The following MTRES1 variants were observed in gnomAD, a reference collection of about 807,000 sequenced individuals.
The protein encoded by MTRES1 is uncharacterized protein C6orf203.
In MTRES1, 11 loss-of-function variants were observed where a neutral mutation model predicts 17.4. The ratio of observed to expected loss-of-function variants is 0.63; its 90% CI spans 0.40 to 1.05. MTRES1 has a LOEUF of 1.05. MTRES1 is among the 50% of genes least tolerant of loss of function. The probability of loss-of-function intolerance (pLI) is 0.00; values close to 1 mark genes in which losing one functional copy is unlikely to be tolerated. For synonymous variants in MTRES1, 94 were observed against 99.6 expected, an observed-to-expected ratio of 0.94 and a Z score of 0.34; for missense variants, 268 against 276.2, an observed-to-expected ratio of 0.97 and a Z score of 0.21.
At chr6:107,049,408 CT>C (rs782057719) in intron 3 of MTRES1, among the ~76,000 whole-genome samples, 9,211 of 99,250 alleles carry the variant, frequency 0.093, 201 homozygotes, top group East Asian at 0.31. Flanking sequence ...TATGGCCCTT[CT>C]TTTTTTTTTT....
intron 3 of MTRES1, among the ~76,000 whole-genome samples, chr6:107,045,331 A>G (rs563212414): frequency 2.6e-5 from 4 of 151,924 alleles, no homozygotes; most frequent in Admixed American, 6.6e-5. Flanking sequence ...AATACAAAAA[A>G]AAATTAGCCG....
intron 1 of MTRES1, among the ~76,000 whole-genome samples, chr6:107,030,379 C>G (rs557423114): frequency 2.0e-5 from 3 of 152,228 alleles, no homozygotes; most frequent in East Asian, 1.9e-4. Flanking sequence ...TTCATTGATT[C>G]ACTAAGAGGA....
In MTRES1 at chr6:107,050,686, C is replaced by T. The variant is rs1355315281; in HGVS notation, c.544-371C>T. 7.3e-5 allele frequency among the ~76,000 whole-genome samples: 11 copies of T among 151,334 alleles called. No individual in the cohort carries two copies. The Admixed American group carries it at 7.3e-4, about 10-fold the overall frequency. Reference sequence around the variant, plus strand: ...CTACTTCCCGGGTCCAAGCGATTCTCCTGCCACAGCCTTCCGAGTATTTGG... The same window carrying T: ...CTACTTCCCGGGTCCAAGCGATTCTTCTGCCACAGCCTTCCGAGTATTTGG... On this transcript the variant is annotated intron_variant, in intron 3 of 3. Transcript: ENST00000311381.
intron 3 of MTRES1, among the ~76,000 whole-genome samples, chr6:107,049,408 CTTTTTTT>C (rs782057719): frequency 1.3e-4 from 13 of 99,364 alleles, no homozygotes; most frequent in Non-Finnish European, 2.3e-4. Context: ...TATGGCCCTT[CTTTTTTT>C]TTTTTTTTTT....
At position 107,039,812 on chromosome 6, in the gene MTRES1, G is replaced by T; in HGVS notation, c.52G>T (p.Ala18Ser). The change falls in exon 2 of 4, where the codon GCC becomes TCC. Residue 18 changes from alanine to serine, a missense_variant. Transcript: ENST00000311381. The stretch of plus-strand genomic sequence containing the variant: ...TGCCGGTGTTTTAAGAAAGCCAGAT[G>T]CCTGGATTGGACTCTGGGGTGTTCT... ...LLAGVLRKPD[A>S]WIGLWGVLRG... is the part of the protein sequence containing the mutation. The T allele has an allele frequency of 6.2e-7, 1 of 1,612,636 alleles. No homozygotes were observed.
At chr6:107,037,548 C>CTAAATAAATTAAATCTAAAAA (rs1225147330) in intron 1 of MTRES1, among the ~76,000 whole-genome samples, 1 of 152,102 alleles carries the variant, frequency 6.6e-6, no homozygotes, top group African/African-American at 2.4e-5. Flanking sequence ...CTCATCTCTA[C>CTAAATAAATTAAATCTAAAAA]TAAATAAATT....
At chr6:107,042,356 A>AAT (rs1774249008) in intron 2 of MTRES1, among the ~76,000 whole-genome samples, 3 of 148,474 alleles carry the variant, frequency 2.0e-5, no homozygotes, top group South Asian at 4.2e-4. Flanking sequence ...AAAAAAAAAA[A>AAT]AGGTTCATAA....
intron 2 of MTRES1, among the ~76,000 whole-genome samples, chr6:107,042,590 A>G (rs1774256134): frequency 6.6e-6 from 1 of 152,158 alleles, no homozygotes; most frequent in African/African-American, 2.4e-5. Context: ...TGGTTGCCCT[A>G]GTGCGTTAAG....
intron 3 of MTRES1, among the ~76,000 whole-genome samples, chr6:107,044,842 A>G (rs1774337877): frequency 6.6e-6 from 1 of 152,138 alleles, no homozygotes; most frequent in Non-Finnish European, 1.5e-5. Context: ...TTGTTAAGTG[A>G]AAGTCAGTTA....
intron 3 of MTRES1, among the ~76,000 whole-genome samples, chr6:107,048,349 G>T (rs1363807178): frequency 2.6e-5 from 4 of 151,792 alleles, no homozygotes; most frequent in African/African-American, 9.7e-5. Flanking sequence ...TGGCCAGGCT[G>T]GTCTTGAACT....
chr6:107,030,529 C>T (rs573213179), intron 1 of MTRES1, among the ~76,000 whole-genome samples: 7 of 152,318 alleles, frequency 4.6e-5, no homozygotes, highest in African/African-American at 1.7e-4. Context: ...GAGTCCTCTC[C>T]TAGTGGAGTC....
intron 1 of MTRES1, among the ~76,000 whole-genome samples, chr6:107,034,551 T>C (rs1773945919): frequency 6.6e-6 from 1 of 152,168 alleles, no homozygotes; most frequent in African/African-American, 2.4e-5. Flanking sequence ...ATGGTAGTAA[T>C]GAGTCTAGGC....
intron 3 of MTRES1, among the ~76,000 whole-genome samples, chr6:107,049,408 CTTTTTTTTTTTT>C (rs782057719): frequency 3.0e-5 from 3 of 99,364 alleles, no homozygotes; most frequent in African/African-American, 1.2e-4. Context: ...TATGGCCCTT[CTTTTTTTTTTTT>C]TTTTTTTTTT....
chr6:107,033,195 C>G (rs1554226622), intron 1 of MTRES1, among the ~76,000 whole-genome samples: 2 of 152,082 alleles, frequency 1.3e-5, no homozygotes, highest in African/African-American at 4.8e-5. Context: ...TAGTCCCTAT[C>G]ACTACACTTA....
At chr6:107,035,743 G>A (rs905580232) in intron 1 of MTRES1, among the ~76,000 whole-genome samples, 1 of 151,934 alleles carries the variant, frequency 6.6e-6, no homozygotes, top group Non-Finnish European at 1.5e-5. Context: ...CAACCTCCTG[G>A]GTTCAAGCGA....
chr6:107,040,012 CAAAAGT>C lies in MTRES1; in HGVS notation c.255_260del (p.Lys85_Ser86del). ...GTATTTTTCCTTTTTCCGTAAGACT[CAAAAGT>C]AATATAAGGTCTACAAAATCTACTA... On this transcript the variant is annotated inframe_deletion, in exon 2 of 4. Transcript: ENST00000311381. 1 of 1,613,404 alleles carries C rather than the reference CAAAAGT, an allele frequency of 6.2e-7. No homozygotes were observed. Among genetic ancestry groups the C allele is most frequent in the South Asian group, 1.1e-5 (1 of 90,980 alleles).
intron 3 of MTRES1, among the ~76,000 whole-genome samples, chr6:107,049,713 G>A (rs1315512985): frequency 3.3e-5 from 4 of 120,836 alleles, no homozygotes; most frequent in African/African-American, 1.2e-4. Flanking sequence ...GTGCCCAGCC[G>A]GCCCTTCTTT....
chr6:107,048,463 A>T (rs577791031), intron 3 of MTRES1, among the ~76,000 whole-genome samples: 1 of 151,610 alleles, frequency 6.6e-6, no homozygotes, highest in East Asian at 2.0e-4. Context: ...AAATGTCCAC[A>T]TAGGCTGAAG....
chr6:107,051,008 C>T (rs3749871), intron 3 of MTRES1, 49 bp from the exon 4 acceptor site: 139,440 of 1,498,840 alleles, frequency 0.093, 8,664 homozygotes, highest in East Asian at 0.32. Flanking sequence ...TTGCATTGGC[C>T]TGGATTTCCC....
Sources: gnomAD v4.1 joint callset for allele counts (sites outside exome capture counted in the v4.1 genomes callset) on GRCh38, gnomAD v4.1.1 for gene constraint, MANE v1.5 for transcripts, NCBI Gene and HGNC (gene_info 2026-07-23, HGNC 2026-07-21) for gene names.